CD163L1: variants seen among roughly 807,000 people sequenced by gnomAD.
CD163L1 encodes CD163 molecule like 1.
CD163L1 carries 124 observed loss-of-function variants against 165.4 expected under a neutral mutation model. The ratio of observed to expected loss-of-function variants is 0.75; its 90% confidence interval spans 0.65 to 0.87. The LOEUF is 0.87. Ranked by LOEUF, CD163L1 falls within the 40% of genes least tolerant of loss-of-function variation. CD163L1 has a pLI of 0.00. For synonymous variants in CD163L1, 585 were observed against 662.2 expected, an observed-to-expected ratio of 0.88 and a Z score of 1.79; for missense variants, 1,525 against 1,799.9, an observed-to-expected ratio of 0.85 and a Z score of 2.76.
At chr12:7,325,134 G>T in the CD163L1 span, among the ~76,000 whole-genome samples, 1 of 152,248 alleles carries the variant, frequency 6.6e-6, no homozygotes, top group Non-Finnish European at 1.5e-5. Flanking sequence ...GTGGTTCAGA[G>T]ACTGGTACAT....
chr12:7,437,145 T>A (rs1183687230), intron 2 of CD163L1, among the ~76,000 whole-genome samples: 2 of 76,102 alleles, frequency 2.6e-5, no homozygotes, highest in Non-Finnish European at 5.3e-5. Context: ...ATTTATTATT[T>A]TTATTATACT....
At chr12:7,423,462 A>G (rs1468385450) in intron 4 of CD163L1, among the ~76,000 whole-genome samples, 1 of 152,126 alleles carries the variant, frequency 6.6e-6, no homozygotes, top group Non-Finnish European at 1.5e-5. Flanking sequence ...AGCAAAAGTC[A>G]AGAAATAACT....
At chr12:7,404,320 A>G (rs1947972517) in intron 5 of CD163L1, among the ~76,000 whole-genome samples, 1 of 152,100 alleles carries the variant, frequency 6.6e-6, no homozygotes, top group African/African-American at 2.4e-5. Flanking sequence ...GACAAAAGGA[A>G]TGCACAATTA....
At chr12:7,373,206 T>C (rs1220488766) in intron 14 of CD163L1, 114 bp downstream of exon 14, 4 of 834,494 alleles carry the variant, frequency 4.8e-6, no homozygotes, top group Non-Finnish European at 7.5e-6. Context: ...GCACTTATTG[T>C]CATGCACTTT....
intron 8 of CD163L1, 107 bp from the exon 9 acceptor site, chr12:7,379,405 G>T: frequency 9.3e-7 from 1 of 1,075,754 alleles, no homozygotes; most frequent in Non-Finnish European, 1.3e-6. Context: ...AAAGTTGAGA[G>T]ATTGTTTAGG....
chr12:7,372,308 T>C lies in CD163L1; in HGVS notation c.3730+1012A>G, dbSNP rs1014033184. 1.3e-5 allele frequency among the ~76,000 whole-genome samples: 2 copies of C among 152,196 alleles called. No individual in the cohort carries two copies. Among genetic ancestry groups the C allele is most frequent in the East Asian group, 3.9e-4 (2 of 5,188 alleles). On this transcript the variant is annotated intron_variant, in intron 14 of 19. Coordinates refer to ENST00000313599, the MANE Select transcript of CD163L1 (RefSeq NM_174941.6). This position sits in a 1 kb window ranked among gnomAD's most constrained non-coding sequence, Gnocchi z 4.2. ...TACATAGGCTTTCTGCTGGAGCAAT[T>C]AACTACTACATATAAAGAATCATAA...
intron 5 of CD163L1, 94 bp downstream of exon 5, chr12:7,406,438 C>G (rs1467310619): frequency 8.7e-7 from 1 of 1,143,330 alleles, no homozygotes; most frequent in Non-Finnish European, 1.3e-6. Context: ...ACAATTCTTA[C>G]ACATCACAAT....
At chr12:7,357,521 T>A in intron 18 of CD163L1, 35 bp from the exon 19 acceptor site, 4 of 1,580,404 alleles carry the variant, frequency 2.5e-6, no homozygotes, top group Non-Finnish European at 3.5e-6. Flanking sequence ...TATTGAATAG[T>A]AGAAAACCTC....
At chr12:7,415,978 C>G (rs1753644809) in intron 4 of CD163L1, among the ~76,000 whole-genome samples, 1 of 152,136 alleles carries the variant, frequency 6.6e-6, no homozygotes, top group South Asian at 2.1e-4. Flanking sequence ...ATTTATGGTT[C>G]TAGATCCTTG....
intron 2 of CD163L1, chr12:7,439,544 A>C (rs1364164283): frequency 6.4e-7 from 1 of 1,571,466 alleles, no homozygotes; most frequent in African/African-American, 1.4e-5. Flanking sequence ...TTCTTTGGGG[A>C]AGTATCTTCT....
chr12:7,410,475 G>A (rs1028730285), intron 4 of CD163L1, among the ~76,000 whole-genome samples: 1 of 151,966 alleles, frequency 6.6e-6, no homozygotes, highest in African/African-American at 2.4e-5. Context: ...GCATGGTGGT[G>A]TGCACCTAAA....
intron 18 of CD163L1, among the ~76,000 whole-genome samples, chr12:7,363,911 G>C (rs1946959301): frequency 6.6e-6 from 1 of 151,910 alleles, no homozygotes; most frequent in Non-Finnish European, 1.5e-5. Context: ...AAATTGAAGA[G>C]GAGAGAACAC....
intron 2 of CD163L1, among the ~76,000 whole-genome samples, chr12:7,434,308 A>T (rs900308189): frequency 3.9e-5 from 6 of 152,220 alleles, no homozygotes; most frequent in African/African-American, 1.4e-4. Flanking sequence ...TCACAGGTAG[A>T]CAACCACTTC....
chr12:7,418,939 T>G (rs901230668), intron 4 of CD163L1, among the ~76,000 whole-genome samples: 1 of 152,088 alleles, frequency 6.6e-6, no homozygotes, highest in Non-Finnish European at 1.5e-5. Flanking sequence ...AGCTGAAATC[T>G]ATCAGATATT....
intron 18 of CD163L1, among the ~76,000 whole-genome samples, chr12:7,366,201 A>G (rs1005470219): frequency 4.6e-5 from 7 of 152,110 alleles, no homozygotes; most frequent in African/African-American, 7.2e-5. Flanking sequence ...AAATGTTGAT[A>G]CCATTAAGAT....
At chr12:7,334,282 C>T in the CD163L1 span, among the ~76,000 whole-genome samples, 10 of 152,300 alleles carry the variant, frequency 6.6e-5, no homozygotes, top group African/African-American at 2.4e-4. Flanking sequence ...CATCAAAAAG[C>T]TTATCCACCA....
the CD163L1 span, among the ~76,000 whole-genome samples, chr12:7,326,457 A>G: frequency 4.6e-5 from 7 of 152,126 alleles, no homozygotes; most frequent in Admixed American, 1.3e-4. Flanking sequence ...TTATCCTTCT[A>G]CCTTGGCCTC....
chr12:7,365,599 T>C (rs755842483), intron 18 of CD163L1, among the ~76,000 whole-genome samples: 4 of 151,860 alleles, frequency 2.6e-5, no homozygotes, highest in East Asian at 1.9e-4. Context: ...AAAAAATGGG[T>C]GAAAGAACTG....
At chr12:7,376,050 T>C in intron 9 of CD163L1, 36 bp from the exon 10 acceptor site, 2 of 1,567,996 alleles carry the variant, frequency 1.3e-6, no homozygotes, top group Non-Finnish European at 1.7e-6. Flanking sequence ...GTTTTTAGGG[T>C]TTTCCAATAT....
Sources: gnomAD v4.1 joint callset for allele counts (sites outside exome capture counted in the v4.1 genomes callset) on GRCh38, gnomAD v4.1.1 for gene constraint, Gnocchi (gnomAD v3.1) non-coding constraint, MANE v1.5 for transcripts, NCBI Gene and HGNC (gene_info 2026-07-23, HGNC 2026-07-21) for gene names.